RHBDD1: variants seen among roughly 807,000 people sequenced by gnomAD.
RHBDD1 encodes the protein rhomboid domain containing 1.
A neutral mutation model predicts 36.3 loss-of-function variants in RHBDD1; 38 were observed. That is an observed-to-expected ratio of 1.05 (90% CI 0.81 to 1.37). The LOEUF (loss-of-function observed/expected upper bound fraction) is 1.37, where lower values mean the gene tolerates loss of function less well. RHBDD1 is among the 40% of genes most tolerant of loss of function. RHBDD1 has a pLI of 0.00. For missense variants in RHBDD1, 393 were observed against 377.6 expected (o/e 1.04, Z -0.34); for synonymous variants, 151 against 136.5 (o/e 1.11, Z -0.74).
intron 8 of RHBDD1, among the ~76,000 whole-genome samples, chr2:226,929,284 T>C (rs1949862432): frequency 6.6e-6 from 1 of 151,910 alleles, no homozygotes; most frequent in Non-Finnish European, 1.5e-5. Flanking sequence ...CAACAGCACA[T>C]CCAAACAATA....
At chr2:226,834,814 C>T (rs1202152770), upstream of RHBDD1, among the ~76,000 whole-genome samples, 1 of 151,968 alleles carries the variant, frequency 6.6e-6, no homozygotes, top group Non-Finnish European at 1.5e-5. Flanking sequence ...TAGAGTCATG[C>T]TCTGTCGCCC....
At chr2:226,990,330 C>G (rs1380790175) in intron 8 of RHBDD1, among the ~76,000 whole-genome samples, 2 of 152,176 alleles carry the variant, frequency 1.3e-5, no homozygotes, top group African/African-American at 4.8e-5. Flanking sequence ...GGGTCGCATG[C>G]TGCTGCCCTC....
chr2:226,829,497 T>C, the RHBDD1 span, among the ~76,000 whole-genome samples: 4 of 152,218 alleles, frequency 2.6e-5, no homozygotes, highest in Non-Finnish European at 5.9e-5. Context: ...TTCCATTCTA[T>C]GAATGTGAAA....
chr2:226,922,202 CTTTTTTTTTTT>C (rs1017204610), intron 8 of RHBDD1, among the ~76,000 whole-genome samples: 1 of 105,042 alleles, frequency 9.5e-6, no homozygotes, highest in Admixed American at 1.1e-4. Flanking sequence ...TATCTTTTTC[CTTTTTTTTTTT>C]TTTTTTTTTT....
intron 5 of RHBDD1, chr2:226,867,755 G>A: frequency 1.3e-6 from 1 of 770,074 alleles, no homozygotes; most frequent in Non-Finnish European, 1.6e-6. Context: ...GTCTCGCTCT[G>A]TTACCCAGGT....
chr2:226,841,744 C>T (rs1402566279), intron 3 of RHBDD1, among the ~76,000 whole-genome samples: 1 of 152,146 alleles, frequency 6.6e-6, no homozygotes. Flanking sequence ...GTGAATAGTG[C>T]CACATTTAAC....
chr2:226,814,302 C>T, the RHBDD1 span, among the ~76,000 whole-genome samples: 2 of 151,900 alleles, frequency 1.3e-5, no homozygotes, highest in African/African-American at 4.8e-5. Flanking sequence ...AAAGTATCCT[C>T]TTCCCTTGAG....
chr2:226,998,980 C>A lies in RHBDD1; in HGVS notation c.*3458C>A, dbSNP rs1385491451. On this transcript the variant is annotated 3_prime_UTR_variant, in exon 9 of 9. Coordinates refer to ENST00000392062, the MANE Select transcript of RHBDD1 (RefSeq NM_001167608.3). ...CTCTCTCTTGGCCCATTCAGATCCT[C>A]CTCATCCAGCCCCCATCTGAATCCT... is the stretch of plus-strand genomic sequence containing the variant. 1.3e-5 allele frequency: 2 copies of A among 152,294 alleles called. No homozygotes were observed. The highest frequency in any genetic ancestry group is 2.9e-5 in the Non-Finnish European group (2 of 68,112). 9.4% of individuals were successfully genotyped at this position (152,294 alleles called of 1,614,324 possible).
the RHBDD1 span, among the ~76,000 whole-genome samples, chr2:226,801,826 C>A: frequency 2.0e-5 from 3 of 151,724 alleles, no homozygotes; most frequent in Non-Finnish European, 4.4e-5. Context: ...TTACCCTAGA[C>A]AAGAAAAAAG....
At chr2:226,941,459 GAT>G (rs1559295487) in intron 8 of RHBDD1, among the ~76,000 whole-genome samples, 1 of 152,164 alleles carries the variant, frequency 6.6e-6, no homozygotes, top group Admixed American at 6.5e-5. Context: ...AAACAGTTCT[GAT>G]ATATGTGTGT....
chr2:226,881,681 A>G (rs1945751777), intron 5 of RHBDD1, among the ~76,000 whole-genome samples: 2 of 152,198 alleles, frequency 1.3e-5, no homozygotes, highest in African/African-American at 4.8e-5. Context: ...TGTTTATTCT[A>G]GTTGATAGGT....
intron 8 of RHBDD1, among the ~76,000 whole-genome samples, chr2:226,976,680 G>A (rs995951882): frequency 1.3e-5 from 2 of 152,140 alleles, no homozygotes; most frequent in East Asian, 1.9e-4. Flanking sequence ...TTGAGAGGAG[G>A]AGAGAAGGGA....
intron 8 of RHBDD1, among the ~76,000 whole-genome samples, chr2:226,987,699 C>G (rs542584842): frequency 6.6e-6 from 1 of 152,200 alleles, no homozygotes; most frequent in Non-Finnish European, 1.5e-5. Context: ...TGTGCCAGAT[C>G]GTGGTGGACC....
At chr2:226,820,869 G>C in the RHBDD1 span, among the ~76,000 whole-genome samples, 2 of 151,960 alleles carry the variant, frequency 1.3e-5, no homozygotes, top group Non-Finnish European at 2.9e-5. Context: ...AGATCAAAAA[G>C]GGGTTGCCAG....
intron 8 of RHBDD1, among the ~76,000 whole-genome samples, chr2:226,990,894 G>C (rs1357258955): frequency 1.3e-5 from 2 of 152,090 alleles, no homozygotes; most frequent in Non-Finnish European, 2.9e-5. Flanking sequence ...TCTCTACCAA[G>C]TTCTTTGGAG....
chr2:226,915,411 C>T (rs989749661), intron 8 of RHBDD1, among the ~76,000 whole-genome samples: 4 of 152,062 alleles, frequency 2.6e-5, no homozygotes, highest in African/African-American at 7.2e-5. Context: ...GGGTCCGGAT[C>T]GCAGGGGTCC....
chr2:226,903,182 T>C (rs1421210007), intron 5 of RHBDD1, among the ~76,000 whole-genome samples: 1 of 152,242 alleles, frequency 6.6e-6, no homozygotes, highest in African/African-American at 2.4e-5. Context: ...AGCCTGAGCA[T>C]AGAATAAAAT....
intron 5 of RHBDD1, among the ~76,000 whole-genome samples, chr2:226,900,285 A>C (rs921044242): frequency 6.6e-6 from 1 of 152,200 alleles, no homozygotes; most frequent in Non-Finnish European, 1.5e-5. Context: ...TCAAGTTGAG[A>C]TACATGATCT....
At chr2:226,956,170 G>T (rs916256115) in intron 8 of RHBDD1, among the ~76,000 whole-genome samples, 2 of 152,094 alleles carry the variant, frequency 1.3e-5, no homozygotes, top group African/African-American at 2.4e-5. Context: ...CAATCTCTTG[G>T]TGTCCCCTCT....
Sources: allele counts gnomAD v4.1 joint callset (sites outside exome capture counted in the v4.1 genomes callset), GRCh38; gene constraint gnomAD v4.1.1; transcripts MANE v1.5; gene names NCBI Gene and HGNC (gene_info 2026-07-23, HGNC 2026-07-21).